The following SPIDR variants were observed in gnomAD, a reference collection of about 807,000 sequenced individuals.
SPIDR encodes scaffold protein involved in DNA repair, also known as DNA repair-scaffolding protein.
Under a neutral mutation model 104.6 loss-of-function variants are expected in SPIDR, and 93 were observed. That is an observed-to-expected ratio of 0.89 (90% CI 0.75 to 1.06). The LOEUF (loss-of-function observed/expected upper bound fraction) is 1.06. SPIDR is among the 50% of genes least tolerant of loss of function. The pLI, the probability that SPIDR is intolerant of heterozygous loss-of-function variation, is 0.00. For missense variants in SPIDR, 1,154 were observed against 1,111.2 expected, an observed-to-expected ratio of 1.04 and a Z score of -0.55; for synonymous variants, 431 against 416.9, an observed-to-expected ratio of 1.03 and a Z score of -0.41.
intron 8 of SPIDR, among the ~76,000 whole-genome samples, chr8:47,507,097 C>T (rs534196203): frequency 3.5e-4 from 53 of 152,280 alleles, no homozygotes; most frequent in African/African-American, 1.2e-3. Flanking sequence ...AGATGGACAC[C>T]GTATCTGTCT....
intron 2 of SPIDR, among the ~76,000 whole-genome samples, chr8:47,281,795 TC>T: frequency 6.6e-6 from 1 of 152,350 alleles, no homozygotes; most frequent in Admixed American, 6.5e-5. Context: ...TCATGAATGT[TC>T]CTAATGGCAC....
chr8:47,333,909 A>G (rs1554606507), intron 5 of SPIDR, among the ~76,000 whole-genome samples: 2 of 152,228 alleles, frequency 1.3e-5, no homozygotes, highest in Non-Finnish European at 2.9e-5. Flanking sequence ...GTGACTGTAT[A>G]TGCGTTTAGT....
Position 47,339,732 on chromosome 8 carries a change from T to C in SPIDR, c.525+45702T>C, listed in dbSNP as rs1209543415. Among the ~76,000 whole-genome samples the C allele has an allele frequency of 2.0e-5, 3 of 148,390 alleles. No individual in the cohort carries two copies. In the East Asian group the frequency reaches 5.9e-4, roughly 29 times the overall value. ...TCTCGCACTGTCGCCTGGACTGGAG[T>C]GCAATGGTGTGATCTCGGCTCACTG... On this transcript the variant is annotated intron_variant, in intron 5 of 19. Coordinates refer to ENST00000297423, the MANE Select transcript of SPIDR (RefSeq NM_001080394.4).
chr8:47,478,522 A>C (rs1554724946), intron 8 of SPIDR, among the ~76,000 whole-genome samples: 1 of 152,200 alleles, frequency 6.6e-6, no homozygotes, highest in Non-Finnish European at 1.5e-5. Context: ...AGGTTGCAGA[A>C]AGTGAGGAGC....
intron 12 of SPIDR, 140 bp from the exon 13 acceptor site, chr8:47,701,581 C>A: frequency 2.6e-6 from 2 of 760,848 alleles, no homozygotes; most frequent in Non-Finnish European, 4.2e-6. Flanking sequence ...CAATGCAATC[C>A]ATTCCTTGTA....
chr8:47,562,269 C>G lies in SPIDR; in HGVS notation c.1098-33542C>G, dbSNP rs568072307. Among the ~76,000 whole-genome samples, 117 of 152,134 alleles carry G rather than the reference C, an allele frequency of 7.7e-4. 1 individual carries two copies. The highest frequency in any genetic ancestry group is 1.3e-3 in the Non-Finnish European group (86 of 68,020). ...ACATTTCATTGGTTTAAAAAGGTAT[C>G]TAATTTTAAATAGTTTTTGTTGATT... On this transcript the variant is annotated intron_variant, in intron 8 of 19. Transcript: ENST00000297423.
intron 8 of SPIDR, among the ~76,000 whole-genome samples, chr8:47,507,068 TTC>T (rs2154374243): frequency 6.6e-6 from 1 of 152,292 alleles, no homozygotes; most frequent in East Asian, 1.9e-4. Context: ...TTTGAGAGCC[TTC>T]TCTCCAGTAA....
intron 10 of SPIDR, among the ~76,000 whole-genome samples, chr8:47,601,668 G>C (rs1457688279): frequency 6.6e-6 from 1 of 152,196 alleles, no homozygotes; most frequent in African/African-American, 2.4e-5. Context: ...ACTCCAGCCT[G>C]GGGACAGATG....
chr8:47,676,784 G>T (rs2076504563), intron 11 of SPIDR, among the ~76,000 whole-genome samples: 1 of 152,146 alleles, frequency 6.6e-6, no homozygotes, highest in Non-Finnish European at 1.5e-5. Flanking sequence ...ATATCACTCA[G>T]CCCTACCCGC....
chr8:47,345,141 A>C (rs2051644328), intron 5 of SPIDR, among the ~76,000 whole-genome samples: 1 of 152,226 alleles, frequency 6.6e-6, no homozygotes, highest in Non-Finnish European at 1.5e-5. Context: ...ATTTTTATAT[A>C]AGGTGTAAGG....
At chr8:47,571,611 T>A (rs527356571) in intron 8 of SPIDR, among the ~76,000 whole-genome samples, 5 of 152,208 alleles carry the variant, frequency 3.3e-5, no homozygotes, top group Non-Finnish European at 7.3e-5. Context: ...ATAAGCATAA[T>A]TGCCATTATT....
intron 7 of SPIDR, among the ~76,000 whole-genome samples, chr8:47,421,064 T>C (rs535110185): frequency 1.4e-4 from 21 of 152,330 alleles, no homozygotes; most frequent in African/African-American, 2.9e-4. Context: ...ATTTCAACTT[T>C]GGTGAATCTG....
Position 47,562,863 on chromosome 8 carries a change from C to T in SPIDR, c.1098-32948C>T, listed in dbSNP as rs559299817. 1.7e-4 allele frequency among the ~76,000 whole-genome samples: 26 copies of T among 152,284 alleles called. No individual in the cohort carries two copies. In the East Asian group the frequency reaches 4.2e-3, roughly 25 times the overall value. ...ACCCCTCCAGCTTCTCTTACTCATCCAGCCTGAATGCACGTTCAGTCTAGC... is the reference window on the plus strand; with the variant it reads ...ACCCCTCCAGCTTCTCTTACTCATCTAGCCTGAATGCACGTTCAGTCTAGC... On this transcript the variant is annotated intron_variant, in intron 8 of 19. Transcript: ENST00000297423.
intron 5 of SPIDR, among the ~76,000 whole-genome samples, chr8:47,345,464 A>G (rs1220508565): frequency 6.6e-6 from 1 of 152,158 alleles, no homozygotes; most frequent in African/African-American, 2.4e-5. Flanking sequence ...TCGGTTCCAT[A>G]TGAACGCTAA....
chr8:47,291,876 TAGACAATTGAAAGC>T (rs1216009870), intron 4 of SPIDR, among the ~76,000 whole-genome samples: 10 of 152,344 alleles, frequency 6.6e-5, no homozygotes, highest in African/African-American at 2.4e-4. Context: ...TGTCATGTTT[TAGACAATTGAAAGC>T]AGAGTTTCTC....
intron 5 of SPIDR, among the ~76,000 whole-genome samples, chr8:47,342,045 T>C (rs2050857033): frequency 6.6e-6 from 1 of 152,226 alleles, no homozygotes; most frequent in African/African-American, 2.4e-5. Flanking sequence ...GAAAAAGATA[T>C]TTTATGTGAA....
chr8:47,623,693 T>G (rs2065513341), intron 10 of SPIDR, among the ~76,000 whole-genome samples: 1 of 152,148 alleles, frequency 6.6e-6, no homozygotes, highest in African/African-American at 2.4e-5. Context: ...ACTAACTATC[T>G]GAAATATATA....
intron 8 of SPIDR, among the ~76,000 whole-genome samples, chr8:47,591,434 T>G (rs1402677155): frequency 8.8e-6 from 1 of 113,278 alleles, no homozygotes; most frequent in Non-Finnish European, 1.7e-5. Flanking sequence ...CCCTATTTAT[T>G]TATTTATTTA....
intron 1 of SPIDR, among the ~76,000 whole-genome samples, chr8:47,271,479 G>A (rs915745158): frequency 2.0e-5 from 3 of 151,774 alleles, no homozygotes; most frequent in Non-Finnish European, 1.5e-5. Flanking sequence ...TTTTTGCCAG[G>A]CCAAATCTGC....
Sources: allele counts gnomAD v4.1 joint callset (sites outside exome capture counted in the v4.1 genomes callset), GRCh38; gene constraint gnomAD v4.1.1; transcripts MANE v1.5; gene names NCBI Gene and HGNC (gene_info 2026-07-23, HGNC 2026-07-21).